SLCO5A1: variants seen among roughly 807,000 people sequenced by gnomAD.
The protein encoded by SLCO5A1 is organic anion transporter polypeptide-related protein 4.
A neutral mutation model predicts 65.1 loss-of-function variants in SLCO5A1; 39 were observed. That is an observed-to-expected ratio of 0.60 (90% CI 0.46 to 0.78). The LOEUF is 0.78. Among genes scored for constraint, SLCO5A1 ranks in the 30% least tolerant of loss-of-function variants. The pLI is 0.00. For missense variants in SLCO5A1, 1,029 were observed against 1,069.4 expected (o/e 0.96, Z 0.53); for synonymous variants, 438 against 415.7 (o/e 1.05, Z -0.65).
At chr8:69,770,270 A>C (rs1204800333) in intron 2 of SLCO5A1, among the ~76,000 whole-genome samples, 1 of 152,116 alleles carries the variant, frequency 6.6e-6, no homozygotes, top group African/African-American at 2.4e-5. Context: ...TGTATGACCT[A>C]TTTGAAGCTT....
chr8:69,701,681 A>G (rs1288114674), intron 6 of SLCO5A1, among the ~76,000 whole-genome samples: 2 of 152,162 alleles, frequency 1.3e-5, no homozygotes, highest in Admixed American at 1.3e-4. Flanking sequence ...TCTGGACCAA[A>G]CCAATGTACT....
chr8:69,805,930 A>G (rs966457992), intron 2 of SLCO5A1, among the ~76,000 whole-genome samples: 7 of 152,212 alleles, frequency 4.6e-5, no homozygotes, highest in African/African-American at 1.7e-4. Context: ...CTTTGAAAGG[A>G]AACTCTTGTT....
Position 69,672,641 on chromosome 8 carries a change from C to T in SLCO5A1, c.*228G>A, listed in dbSNP as rs1037887290. ...TGAATTAACACAACGGAAATGGGAA[C>T]AAATCTAGCTGAACGTCTCCTTCTT... On this transcript the variant is annotated 3_prime_UTR_variant, in exon 10 of 10. Coordinates refer to ENST00000260126, the MANE Select transcript of SLCO5A1 (RefSeq NM_030958.3). The T allele has an allele frequency of 1.8e-6, 1 of 556,098 alleles. No individual in the cohort carries two copies. 34.4% of individuals were successfully genotyped at this position (556,098 alleles called of 1,614,324 possible).
chr8:69,724,817 G>A (rs1490101525), intron 5 of SLCO5A1, among the ~76,000 whole-genome samples: 2 of 152,156 alleles, frequency 1.3e-5, no homozygotes, highest in Admixed American at 6.5e-5. Flanking sequence ...GCCGCAGCAG[G>A]AGCTGGGAGT....
At chr8:69,819,093 T>C (rs1402731188) in intron 2 of SLCO5A1, among the ~76,000 whole-genome samples, 1 of 151,774 alleles carries the variant, frequency 6.6e-6, no homozygotes, top group East Asian at 1.9e-4. Context: ...TTAAAATGGG[T>C]TACAAGTCTT....
At chr8:69,820,596 G>A (rs1820589159) in intron 2 of SLCO5A1, among the ~76,000 whole-genome samples, 1 of 152,052 alleles carries the variant, frequency 6.6e-6, no homozygotes, top group Admixed American at 6.6e-5. Context: ...ACTTTAGGAG[G>A]CTCAGGGAAG....
At chr8:69,759,849 C>G (rs773720240) in intron 3 of SLCO5A1, among the ~76,000 whole-genome samples, 2 of 152,070 alleles carry the variant, frequency 1.3e-5, no homozygotes, top group Non-Finnish European at 2.9e-5. Context: ...AGGCTCGCCA[C>G]GTTAGCCAGG....
intron 3 of SLCO5A1, among the ~76,000 whole-genome samples, chr8:69,756,558 C>A (rs1586763194): frequency 6.6e-6 from 1 of 152,102 alleles, no homozygotes; most frequent in South Asian, 2.1e-4. Flanking sequence ...ATATAAGAAA[C>A]CTCTAAGAAA....
chr8:69,800,865 C>A (rs1326605557), intron 2 of SLCO5A1, among the ~76,000 whole-genome samples: 1 of 152,160 alleles, frequency 6.6e-6, no homozygotes, highest in African/African-American at 2.4e-5. Flanking sequence ...TGGATATATA[C>A]CTTGCAGAAC....
intron 2 of SLCO5A1, among the ~76,000 whole-genome samples, chr8:69,781,170 G>C (rs1047084711): frequency 6.6e-6 from 1 of 152,234 alleles, no homozygotes; most frequent in Non-Finnish European, 1.5e-5. Context: ...AGGTCAACAG[G>C]CATCTGTGTG....
intron 2 of SLCO5A1, among the ~76,000 whole-genome samples, chr8:69,789,688 T>C (rs1039768270): frequency 3.9e-5 from 6 of 152,214 alleles, no homozygotes; most frequent in African/African-American, 1.4e-4. Context: ...TTTTAGCTGC[T>C]GTCTTATCAC....
chr8:69,728,942 T>TC (rs1798126223), intron 5 of SLCO5A1, among the ~76,000 whole-genome samples: 1 of 152,102 alleles, frequency 6.6e-6, no homozygotes, highest in African/African-American at 2.4e-5. Flanking sequence ...GATGATGGTG[T>TC]CCAAGTACCA....
chr8:69,694,818 A>G (rs1299299670), intron 6 of SLCO5A1, among the ~76,000 whole-genome samples: 1 of 152,208 alleles, frequency 6.6e-6, no homozygotes, highest in African/African-American at 2.4e-5. Context: ...CAAATACTAA[A>G]ACAATTGGGT....
chr8:69,830,848 A>G (rs1304406215), intron 2 of SLCO5A1, among the ~76,000 whole-genome samples: 4 of 152,238 alleles, frequency 2.6e-5, no homozygotes, highest in African/African-American at 9.6e-5. Flanking sequence ...TTCTTCTCCC[A>G]AGTTCATACA....
At chr8:69,706,753 G>A (rs1814987157) in intron 5 of SLCO5A1, among the ~76,000 whole-genome samples, 1 of 152,192 alleles carries the variant, frequency 6.6e-6, no homozygotes, top group Admixed American at 6.5e-5. Context: ...TTTTGTTACA[G>A]CCACCTGAAT....
intron 2 of SLCO5A1, among the ~76,000 whole-genome samples, chr8:69,767,911 A>AC (rs71521960): frequency 7.8e-6 from 1 of 127,650 alleles, no homozygotes; most frequent in Non-Finnish European, 1.6e-5. Context: ...AAAAAAAAAA[A>AC]CAAAAAGAAA....
chr8:69,690,930 G>A (rs1814233693), intron 6 of SLCO5A1, among the ~76,000 whole-genome samples: 1 of 152,204 alleles, frequency 6.6e-6, no homozygotes, highest in Non-Finnish European at 1.5e-5. Context: ...GTCATAGACA[G>A]TAAGTAAGTA....
Position 69,672,749 on chromosome 8 carries a change from G to T in SLCO5A1, c.*120C>A. Reference sequence around the variant, plus strand: ...GCGGCTGTGTATACTGAGTTTTGTTGGTTTGAGGATTGTGTCTGTAGAGGT... The same window carrying T: ...GCGGCTGTGTATACTGAGTTTTGTTTGTTTGAGGATTGTGTCTGTAGAGGT... On this transcript the variant is annotated 3_prime_UTR_variant, in exon 10 of 10. Coordinates refer to ENST00000260126, the MANE Select transcript of SLCO5A1 (RefSeq NM_030958.3). 1 of 1,110,016 alleles carries T rather than the reference G, an allele frequency of 9.0e-7. No homozygotes were observed. The highest frequency in any genetic ancestry group is 1.2e-6 in the Non-Finnish European group (1 of 801,394). The allele number at this position is 1,110,016 out of a possible 1,614,324, so 68.8% of individuals were successfully genotyped here. A position where few individuals can be genotyped will look rare whatever the true frequency, so the allele number is the denominator to read the frequency against.
chr8:69,831,255 AT>A (rs1821136611), intron 2 of SLCO5A1, among the ~76,000 whole-genome samples: 1 of 102,486 alleles, frequency 9.8e-6, no homozygotes, highest in South Asian at 4.1e-4. Context: ...GCAAGACTCC[AT>A]CTTAAAAAGA....
Sources: gnomAD v4.1 joint callset for allele counts (sites outside exome capture counted in the v4.1 genomes callset) on GRCh38, gnomAD v4.1.1 for gene constraint, MANE v1.5 for transcripts, NCBI Gene and HGNC (gene_info 2026-07-23, HGNC 2026-07-21) for gene names.